BPTF: variants seen among roughly 807,000 people sequenced by gnomAD.
The protein encoded by BPTF is bromodomain PHD finger transcription factor.
In BPTF, 18 loss-of-function variants were observed where a neutral mutation model predicts 292.5. The observed-to-expected ratio is 0.06, with a 90% confidence interval of 0.04 to 0.09. BPTF has a LOEUF of 0.09. Ranked by LOEUF, BPTF falls within the 10% of genes least tolerant of loss-of-function variation. The pLI is 1.00. For synonymous variants in BPTF, 1,225 were observed against 1,251.9 expected (o/e 0.98, Z 0.45); for missense variants, 2,726 against 3,498.7 (o/e 0.78, Z 5.57).
rs782434498 is a variant in BPTF at position 67,946,084 on chromosome 17, A to C, written c.7376A>C (p.Gln2459Pro). ...QSQVVAQIQA[Q>P]QSGVPQQIKL... ...CAGGTTGTGGCTCAGATACAGGCTC[A>C]GCAAAGTGGTGTGCCCCAGCAAATC... is the stretch of plus-strand genomic sequence containing the variant. Residue 2459 changes from glutamine to proline, a missense_variant, in exon 21 of 28, where the codon CAG (glutamine) becomes CCG (proline). This residue lies in a region of BPTF where 570 missense variants were observed against 633.5 expected (regional missense o/e 0.90). Transcript: ENST00000306378. 2.0e-5 allele frequency: 32 copies of C among 1,614,208 alleles called. No individual in the cohort carries two copies. The highest frequency in any genetic ancestry group is 2.4e-5 in the Non-Finnish European group (28 of 1,180,030).
chr17:67,929,227 A>G, intron 16 of BPTF, 109 bp from the exon 17 acceptor site: 1 of 1,500,530 alleles, frequency 6.7e-7, no homozygotes, highest in Non-Finnish European at 8.9e-7. Flanking sequence ...CATTCTATGT[A>G]GCCCACTATA....
chr17:67,881,606 C>T (rs776634540), intron 4 of BPTF, among the ~76,000 whole-genome samples: 7 of 143,398 alleles, frequency 4.9e-5, no homozygotes, highest in African/African-American at 1.5e-4. Context: ...CAGGTTCAAG[C>T]GATTCTCCTG....
At chr17:67,926,894 C>T (rs2063951736) in intron 15 of BPTF, among the ~76,000 whole-genome samples, 1 of 150,034 alleles carries the variant, frequency 6.7e-6, no homozygotes, top group Admixed American at 6.7e-5. Flanking sequence ...CACTACCACA[C>T]CCACCTTTGC....
intron 7 of BPTF, among the ~76,000 whole-genome samples, 171 bp downstream of exon 7, chr17:67,894,336 CTTTT>C (rs371765804): frequency 6.7e-6 from 1 of 148,774 alleles, no homozygotes; most frequent in Non-Finnish European, 1.5e-5. Flanking sequence ...TTAGTTCTTT[CTTTT>C]TTTTTTGAGA....
chr17:67,837,975 G>A (rs2057262890), intron 1 of BPTF, among the ~76,000 whole-genome samples: 1 of 152,220 alleles, frequency 6.6e-6, no homozygotes, highest in Admixed American at 6.5e-5. Context: ...TTGGACCATA[G>A]AGAAGTCATT....
rs139456089 is a variant in BPTF, at chr17:67,933,550, C to T, written c.6259+1531C>T. 9.8e-4 allele frequency among the ~76,000 whole-genome samples: 148 copies of T among 150,842 alleles called. 1 individual carries two copies. Among genetic ancestry groups the T allele is most frequent in the African/African-American group, 3.2e-3 (131 of 40,908 alleles). On this transcript the variant is annotated intron_variant, in intron 18 of 27. Transcript: ENST00000306378. ...TGCTACTGCACTCCAGCCTGGGAGACGGAGCACGACCTGTTTAAAAAAAAA... is the reference window on the plus strand; with the variant it reads ...TGCTACTGCACTCCAGCCTGGGAGATGGAGCACGACCTGTTTAAAAAAAAA...
intron 23 of BPTF, among the ~76,000 whole-genome samples, chr17:67,954,550 G>A (rs1288753616): frequency 1.3e-5 from 2 of 152,010 alleles, no homozygotes; most frequent in Admixed American, 6.6e-5. Context: ...GTTAGTGTTC[G>A]GCCACCTCTT....
At chr17:67,840,734 T>C (rs1212572131) in intron 1 of BPTF, among the ~76,000 whole-genome samples, 1 of 151,760 alleles carries the variant, frequency 6.6e-6, no homozygotes, top group Non-Finnish European at 1.5e-5. Flanking sequence ...GGCTAATTTT[T>C]GTATTTTTAG....
At chr17:67,880,886 G>T (rs1466813038) in intron 4 of BPTF, among the ~76,000 whole-genome samples, 1 of 150,960 alleles carries the variant, frequency 6.6e-6, no homozygotes, top group Non-Finnish European at 1.5e-5. Flanking sequence ...TTGTTTTGTG[G>T]CCCAACATTT....
At chr17:67,873,274 G>A (rs1036242655) in intron 3 of BPTF, among the ~76,000 whole-genome samples, 5 of 151,772 alleles carry the variant, frequency 3.3e-5, no homozygotes, top group African/African-American at 7.3e-5. Context: ...CCGGGCCAAC[G>A]TGGTGAAACC....
chr17:67,979,918 T>C (rs1568240870), intron 27 of BPTF, among the ~76,000 whole-genome samples: 2 of 151,718 alleles, frequency 1.3e-5, no homozygotes, highest in African/African-American at 4.8e-5. Context: ...TGCACGCTTA[T>C]AAGTCTCAGC....
chr17:67,831,552 T>TG, intron 1 of BPTF, among the ~76,000 whole-genome samples: 1 of 152,280 alleles, frequency 6.6e-6, no homozygotes, highest in South Asian at 2.1e-4. Flanking sequence ...ATCACAGGAC[T>TG]GGGGATGTTA....
intron 23 of BPTF, chr17:67,951,583 A>G (rs1555678518): frequency 1.3e-5 from 2 of 152,184 alleles, no homozygotes; most frequent in Non-Finnish European, 2.9e-5. Context: ...ATGTATAAAA[A>G]AGTTGGTCAG....
At chr17:67,964,826 C>CT (rs1279793894) in intron 25 of BPTF, among the ~76,000 whole-genome samples, 1 of 151,014 alleles carries the variant, frequency 6.6e-6, no homozygotes, top group Non-Finnish European at 1.5e-5. Flanking sequence ...GGTGAAACCC[C>CT]GTCTCTACTA....
chr17:67,839,381 T>C (rs551743423), intron 1 of BPTF, among the ~76,000 whole-genome samples: 13 of 152,318 alleles, frequency 8.5e-5, no homozygotes, highest in African/African-American at 2.2e-4. Context: ...CATGTCATCT[T>C]AGCATCTTTT....
intron 24 of BPTF, among the ~76,000 whole-genome samples, chr17:67,961,866 C>T (rs538419244): frequency 2.0e-5 from 3 of 151,842 alleles, no homozygotes; most frequent in South Asian, 4.2e-4. Context: ...CCCAGCTACT[C>T]GGGAGGCCGA....
intron 7 of BPTF, among the ~76,000 whole-genome samples, chr17:67,900,305 G>C (rs1414647633): frequency 6.6e-6 from 1 of 151,912 alleles, no homozygotes; most frequent in African/African-American, 2.4e-5. Context: ...GGGTTTTGTC[G>C]TGTTGGCCAG....
chr17:67,874,590 CA>C (rs1262750863), intron 3 of BPTF, among the ~76,000 whole-genome samples: 1 of 152,032 alleles, frequency 6.6e-6, no homozygotes, highest in African/African-American at 2.4e-5. Context: ...AAGTAGAGCC[CA>C]TAATTAGCAT....
At chr17:67,924,728 C>T in intron 15 of BPTF, 139 bp downstream of exon 15, 2 of 799,766 alleles carry the variant, frequency 2.5e-6, no homozygotes, top group Admixed American at 5.2e-5. Flanking sequence ...TAGCCAAATT[C>T]ATGCACACCC....
Sources: allele counts gnomAD v4.1 joint callset (sites outside exome capture counted in the v4.1 genomes callset), GRCh38; gene constraint gnomAD v4.1.1; regional missense constraint gnomAD v4.1.1; transcripts MANE v1.5; gene names NCBI Gene and HGNC (gene_info 2026-07-23, HGNC 2026-07-21).